The following DENND1A variants were observed in gnomAD, a reference collection of about 807,000 sequenced individuals.
DENND1A encodes the protein DENN domain containing 1A.
In DENND1A, 51 loss-of-function variants were observed where a neutral mutation model predicts 113.7. The ratio of observed to expected loss-of-function variants is 0.45; its 90% CI spans 0.36 to 0.57. The LOEUF (loss-of-function observed/expected upper bound fraction) is 0.57, where lower values mean the gene tolerates loss of function less well. Among genes scored for constraint, DENND1A ranks in the 20% least tolerant of loss-of-function variants. The probability of loss-of-function intolerance (pLI) is 0.00; values close to 1 mark genes in which losing one functional copy is unlikely to be tolerated. For synonymous variants in DENND1A, 565 were observed against 570.8 expected (o/e 0.99, Z 0.14); for missense variants, 1,258 against 1,395.9 (o/e 0.90, Z 1.57).
chr9:123,734,166 CATT>C (rs1054903720), intron 5 of DENND1A, among the ~76,000 whole-genome samples: 25 of 152,066 alleles, frequency 1.6e-4, no homozygotes, highest in African/African-American at 5.3e-4. Context: ...GAGGCAGAGT[CATT>C]ATTAAGTTTT....
intron 19 of DENND1A, among the ~76,000 whole-genome samples, chr9:123,435,989 T>C (rs1413464078): frequency 3.9e-5 from 6 of 152,162 alleles, no homozygotes; most frequent in African/African-American, 1.4e-4. Flanking sequence ...AGCAGAGCAG[T>C]TTCCACAGGG....
chr9:123,436,517 AC>A (rs1265033002), intron 19 of DENND1A, among the ~76,000 whole-genome samples: 11 of 152,352 alleles, frequency 7.2e-5, no homozygotes, highest in African/African-American at 1.9e-4. Flanking sequence ...CCCAAATGAT[AC>A]TAAACTTGAG....
At chr9:123,470,373 G>GTTGCCTCACTCACGCCAGGGT in intron 13 of DENND1A, among the ~76,000 whole-genome samples, 1 of 152,208 alleles carries the variant, frequency 6.6e-6, no homozygotes, top group East Asian at 1.9e-4. Context: ...AGCGCCAGGG[G>GTTGCCTCACTCACGCCAGGGT]TTGCCTCACT....
chr9:123,884,776 G>C (rs750265574), intron 1 of DENND1A, among the ~76,000 whole-genome samples: 8 of 152,064 alleles, frequency 5.3e-5, no homozygotes, highest in African/African-American at 1.9e-4. Context: ...AGCTCACAGA[G>C]AATAAATTGG....
intron 13 of DENND1A, among the ~76,000 whole-genome samples, chr9:123,469,523 G>A (rs926252230): frequency 6.6e-6 from 1 of 152,208 alleles, no homozygotes; most frequent in South Asian, 2.1e-4. Context: ...TGCATTAACC[G>A]AGACAAACAG....
chr9:123,874,200 T>TAAAAAAAA (rs3050143), intron 2 of DENND1A, among the ~76,000 whole-genome samples: 8 of 93,142 alleles, frequency 8.6e-5, no homozygotes, highest in East Asian at 3.5e-4. Flanking sequence ...ATTTAAAAAG[T>TAAAAAAAA]AAAAAAAAAA....
intron 13 of DENND1A, among the ~76,000 whole-genome samples, chr9:123,535,464 T>G (rs1156426812): frequency 6.6e-6 from 1 of 151,388 alleles, no homozygotes; most frequent in African/African-American, 2.4e-5. Flanking sequence ...CCCCAACGAT[T>G]GAAACTCTCT....
At chr9:123,779,943 A>G (rs1164824358) in intron 3 of DENND1A, among the ~76,000 whole-genome samples, 1 of 148,300 alleles carries the variant, frequency 6.7e-6, no homozygotes, top group Non-Finnish European at 1.5e-5. Context: ...GCTCACTGCA[A>G]CCCAGGGTTC....
At chr9:123,900,874 A>G (rs1429726990) in intron 1 of DENND1A, among the ~76,000 whole-genome samples, 1 of 152,224 alleles carries the variant, frequency 6.6e-6, no homozygotes, top group East Asian at 1.9e-4. Context: ...TAAAATGGGG[A>G]TCTAACAGTA....
chr9:123,541,580 A>G (rs972004957), intron 13 of DENND1A, among the ~76,000 whole-genome samples: 1 of 152,242 alleles, frequency 6.6e-6, no homozygotes, highest in Non-Finnish European at 1.5e-5. Flanking sequence ...GTGAGCTGTG[A>G]CTGATGGAAA....
At chr9:123,506,513 C>T (rs1228144035) in intron 13 of DENND1A, among the ~76,000 whole-genome samples, 6 of 118,596 alleles carry the variant, frequency 5.1e-5, no homozygotes, top group African/African-American at 1.3e-4. Flanking sequence ...ACCAGGGAGG[C>T]GGAGGTTGCA....
chr9:123,859,584 A>C (rs1186516226), intron 2 of DENND1A, among the ~76,000 whole-genome samples: 1 of 151,956 alleles, frequency 6.6e-6, no homozygotes, highest in East Asian at 1.9e-4. Flanking sequence ...ATCCATCCAA[A>C]TATTCATCAA....
chr9:123,501,470 G>A (rs1241702531), intron 13 of DENND1A, among the ~76,000 whole-genome samples: 1 of 152,122 alleles, frequency 6.6e-6, no homozygotes, highest in Non-Finnish European at 1.5e-5. Context: ...ATTCCTTTGG[G>A]TATATATTCA....
intron 2 of DENND1A, among the ~76,000 whole-genome samples, chr9:123,833,744 A>G (rs1189128366): frequency 6.6e-6 from 1 of 152,170 alleles, no homozygotes; most frequent in African/African-American, 2.4e-5. Context: ...TTTTGTATTG[A>G]TAACTCACAT....
intron 13 of DENND1A, among the ~76,000 whole-genome samples, chr9:123,465,514 C>T (rs1290226295): frequency 6.6e-6 from 1 of 152,146 alleles, no homozygotes; most frequent in African/African-American, 2.4e-5. Context: ...GACAATTATA[C>T]AATGCCAACC....
chr9:123,385,266 G>A (rs1319713789), intron 22 of DENND1A, among the ~76,000 whole-genome samples: 1 of 152,030 alleles, frequency 6.6e-6, no homozygotes, highest in Admixed American at 6.6e-5. Context: ...CCAGGTTCAA[G>A]CAATTCTCTT....
At chr9:123,651,542 C>T (rs56335951) in intron 9 of DENND1A, among the ~76,000 whole-genome samples, 8,051 of 152,288 alleles carry the variant, frequency 0.053, 684 homozygotes, top group African/African-American at 0.18. Context: ...TAAGTCATAG[C>T]GCTTATCAAG....
chr9:123,591,705 C>T (rs1314261104), intron 11 of DENND1A, among the ~76,000 whole-genome samples: 4 of 152,204 alleles, frequency 2.6e-5, no homozygotes, highest in Non-Finnish European at 5.9e-5. Flanking sequence ...GAATGAGAAA[C>T]GACTGTGGCT....
At chr9:123,588,975 C>T (rs1292651561) in intron 11 of DENND1A, among the ~76,000 whole-genome samples, 1 of 151,970 alleles carries the variant, frequency 6.6e-6, no homozygotes, top group Non-Finnish European at 1.5e-5. Flanking sequence ...ACCATGTTGG[C>T]CAAAGTGGTC....
Sources: gnomAD v4.1 joint callset for allele counts (sites outside exome capture counted in the v4.1 genomes callset) on GRCh38, gnomAD v4.1.1 for gene constraint, MANE v1.5 for transcripts, NCBI Gene and HGNC (gene_info 2026-07-23, HGNC 2026-07-21) for gene names.